Variants in SH3PXD2A observed in about 807,000 individuals in gnomAD.
SH3PXD2A encodes SH3 and PX domains 2A.
In SH3PXD2A, 32 loss-of-function variants were observed where a neutral mutation model predicts 115.2. The observed-to-expected ratio is 0.28, with a 90% CI of 0.21 to 0.37. The LOEUF is 0.37. Among genes scored for constraint, SH3PXD2A ranks in the 10% least tolerant of loss-of-function variants. SH3PXD2A has a pLI of 1.00. For synonymous variants in SH3PXD2A, 610 were observed against 629.1 expected, an observed-to-expected ratio of 0.97 and a Z score of 0.45; for missense variants, 1,328 against 1,498.7, an observed-to-expected ratio of 0.89 and a Z score of 1.88.
chr10:103,736,469 A>C (rs2038382187), intron 3 of SH3PXD2A, among the ~76,000 whole-genome samples: 1 of 152,266 alleles, frequency 6.6e-6, no homozygotes. Flanking sequence ...AGCTGGCCAC[A>C]TTCAATCATA....
At chr10:103,681,337 G>T (rs1347361077) in intron 6 of SH3PXD2A, among the ~76,000 whole-genome samples, 2 of 152,186 alleles carry the variant, frequency 1.3e-5, no homozygotes, top group Admixed American at 6.5e-5. Context: ...CATCATCCAG[G>T]CACCATTCAT....
At chr10:103,820,036 G>C (rs2039362000) in intron 1 of SH3PXD2A, among the ~76,000 whole-genome samples, 1 of 152,268 alleles carries the variant, frequency 6.6e-6, no homozygotes, top group African/African-American at 2.4e-5. Flanking sequence ...GGACAGTTCA[G>C]AGTGACTAAG....
At chr10:103,674,775 A>G (rs1292354861) in intron 6 of SH3PXD2A, among the ~76,000 whole-genome samples, 1 of 152,178 alleles carries the variant, frequency 6.6e-6, no homozygotes, top group East Asian at 1.9e-4. Flanking sequence ...AGCTGAGATC[A>G]CGCCACCGCA....
At chr10:103,764,264 C>G (rs184157502) in intron 3 of SH3PXD2A, among the ~76,000 whole-genome samples, 1 of 152,148 alleles carries the variant, frequency 6.6e-6, no homozygotes, top group Non-Finnish European at 1.5e-5. Context: ...CAGAGCATAA[C>G]AGGGTTAAGG....
intron 3 of SH3PXD2A, among the ~76,000 whole-genome samples, chr10:103,765,520 T>A (rs1033955955): frequency 2.6e-5 from 4 of 152,210 alleles, no homozygotes; most frequent in Non-Finnish European, 5.9e-5. Flanking sequence ...CCCAGCCCCA[T>A]CAGCTCTGAC....
At chr10:103,736,752 AT>A (rs2038385160) in intron 3 of SH3PXD2A, 22 of 1,288,934 alleles carry the variant, frequency 1.7e-5, no homozygotes, top group Non-Finnish European at 2.2e-5. Flanking sequence ...TTTGGGGCCC[AT>A]GAGCTTGGCA....
intron 2 of SH3PXD2A, among the ~76,000 whole-genome samples, chr10:103,779,183 C>T (rs2038908951): frequency 6.6e-6 from 1 of 152,234 alleles, no homozygotes; most frequent in Admixed American, 6.5e-5. Context: ...ATTCTCCTGC[C>T]TCAGCCTCCC....
At chr10:103,716,632 C>T (rs1246459359) in intron 5 of SH3PXD2A, among the ~76,000 whole-genome samples, 5 of 152,140 alleles carry the variant, frequency 3.3e-5, no homozygotes, top group African/African-American at 1.2e-4. Context: ...TGTGTCCCAT[C>T]GTGGGTAAGA....
chr10:103,744,005 A>G (rs1471563180), intron 3 of SH3PXD2A, among the ~76,000 whole-genome samples: 1 of 152,196 alleles, frequency 6.6e-6, no homozygotes, highest in Non-Finnish European at 1.5e-5. Context: ...GAACGGCGGA[A>G]CAGCCTCTAC....
chr10:103,682,217 C>CGCTCCGCCTT (rs1434052270), intron 6 of SH3PXD2A, among the ~76,000 whole-genome samples: 12 of 152,208 alleles, frequency 7.9e-5, no homozygotes, highest in African/African-American at 2.9e-4. Context: ...GCCCCCTCCC[C>CGCTCCGCCTT]GCTCCGCCTT....
chr10:103,766,110 C>T (rs1055596709), intron 3 of SH3PXD2A, among the ~76,000 whole-genome samples: 10 of 152,230 alleles, frequency 6.6e-5, no homozygotes, highest in African/African-American at 1.7e-4. Context: ...AGAGAGGAGC[C>T]GCTCTCTGAG....
At chr10:103,606,662 T>C (rs1416786553) in intron 13 of SH3PXD2A, among the ~76,000 whole-genome samples, 1 of 151,676 alleles carries the variant, frequency 6.6e-6, no homozygotes, top group Non-Finnish European at 1.5e-5. Context: ...GCCTGACTGG[T>C]TTTCGTGTTT....
chr10:103,810,908 ACACACACACACG>A (rs2039261240), intron 1 of SH3PXD2A, among the ~76,000 whole-genome samples: 2 of 37,186 alleles, frequency 5.4e-5, no homozygotes, highest in African/African-American at 7.8e-5. Flanking sequence ...AGAAACATGG[ACACACACACACG>A]GAGACACACA....
chr10:103,813,544 T>C (rs1404509527), intron 1 of SH3PXD2A, among the ~76,000 whole-genome samples: 3 of 152,126 alleles, frequency 2.0e-5, no homozygotes, highest in African/African-American at 7.2e-5. Flanking sequence ...TCTCAAACTC[T>C]AGGCCTCAAG....
intron 5 of SH3PXD2A, among the ~76,000 whole-genome samples, chr10:103,712,715 C>T (rs1322321703): frequency 2.0e-5 from 3 of 152,244 alleles, no homozygotes; most frequent in Non-Finnish European, 4.4e-5. Context: ...CTTCAGCCCC[C>T]GTGGTGACCA....
At chr10:103,754,365 G>A (rs531501310) in intron 3 of SH3PXD2A, 1 of 152,094 alleles carries the variant, frequency 6.6e-6, no homozygotes, top group South Asian at 2.1e-4. Flanking sequence ...CACCATGCTT[G>A]GCTTCACTTT....
chr10:103,788,290 T>A (rs1400776255), intron 2 of SH3PXD2A, among the ~76,000 whole-genome samples: 1 of 152,120 alleles, frequency 6.6e-6, no homozygotes, highest in Non-Finnish European at 1.5e-5. Flanking sequence ...GGAGGGTAAC[T>A]CAGGTTCACA....
intron 8 of SH3PXD2A, among the ~76,000 whole-genome samples, chr10:103,645,077 C>T (rs1319207634): frequency 6.6e-6 from 1 of 152,214 alleles, no homozygotes; most frequent in African/African-American, 2.4e-5. Flanking sequence ...ACTCCCCTGC[C>T]AGCCAGCGTT....
At chr10:103,727,318 T>C (rs899847802) in intron 4 of SH3PXD2A, among the ~76,000 whole-genome samples, 3 of 152,036 alleles carry the variant, frequency 2.0e-5, no homozygotes, top group Admixed American at 1.3e-4. Context: ...TGCTGTGTTC[T>C]CCTTGGGAAG....
Sources: allele counts gnomAD v4.1 joint callset (sites outside exome capture counted in the v4.1 genomes callset), GRCh38; gene constraint gnomAD v4.1.1; transcripts MANE v1.5; gene names NCBI Gene and HGNC (gene_info 2026-07-23, HGNC 2026-07-21).